Variants in TMEM213 observed in about 807,000 individuals in gnomAD.
TMEM213 encodes transmembrane protein 213.
A neutral mutation model predicts 11.6 loss-of-function variants in TMEM213; 7 were observed. That is an observed-to-expected ratio of 0.60 (90% confidence interval 0.34 to 1.13). TMEM213 has a LOEUF of 1.13. TMEM213 is among the 50% of genes most tolerant of loss of function. The pLI is 0.03. For synonymous variants in TMEM213, 60 were observed against 58.3 expected (o/e 1.03, Z -0.13); for missense variants, 129 against 139.0 (o/e 0.93, Z 0.36).
Position 138,806,087 on chromosome 7 carries a change from T to C in TMEM213, c.*3018T>C. The C allele has an allele frequency of 6.6e-6, 1 of 152,240 alleles. No homozygotes were observed. Among genetic ancestry groups the C allele is most frequent in the East Asian group, 1.9e-4 (1 of 5,204 alleles). 9.4% of individuals were successfully genotyped at this position (152,240 alleles called of 1,614,324 possible). On this transcript the variant is annotated 3_prime_UTR_variant, in exon 3 of 3. Transcript: ENST00000442682. ...CGAATCAATACAACCACTCTTTTCC[T>C]TGAGACTGCAAAGAAAATGGTTCTA...
At chr7:138,801,824 G>A (rs78727925) in intron 2 of TMEM213, 239 of 186,434 alleles carry the variant, frequency 1.3e-3, no homozygotes, top group Non-Finnish European at 1.9e-3. Context: ...GCCACAAGGC[G>A]CTCAGTAATT....
intron 1 of TMEM213, 178 bp downstream of exon 1, chr7:138,798,364 G>GC: frequency 2.6e-6 from 1 of 391,320 alleles, no homozygotes; most frequent in Non-Finnish European, 4.6e-6. Flanking sequence ...GGGAGGTGGG[G>GC]CTGGGGCAGG....
intron 2 of TMEM213, 129 bp from the exon 3 acceptor site, chr7:138,802,771 G>C: frequency 1.1e-6 from 1 of 952,276 alleles, no homozygotes; most frequent in Non-Finnish European, 1.5e-6. Flanking sequence ...GCAGCACAGT[G>C]CATGGCACGT....
At chr7:138,802,393 T>C (rs528539429) in intron 2 of TMEM213, among the ~76,000 whole-genome samples, 5 of 150,708 alleles carry the variant, frequency 3.3e-5, no homozygotes, top group Admixed American at 2.7e-4. Flanking sequence ...CTACTAAAAA[T>C]ACAAAACATT....
In TMEM213 at chr7:138,801,197, A is replaced by G; in HGVS notation, c.83-130A>G. The G allele has an allele frequency of 3.7e-6, 3 of 819,290 alleles. No homozygotes were observed. In the South Asian group the frequency reaches 4.7e-5, roughly 13 times the overall value. 50.8% of individuals were successfully genotyped at this position (819,290 alleles called of 1,614,324 possible). A position where few individuals can be genotyped will look rare whatever the true frequency, so the allele number is the denominator to read the frequency against. On this transcript the variant is annotated intron_variant, in intron 1 of 2. Coordinates refer to ENST00000442682, the MANE Select transcript of TMEM213 (RefSeq NM_001085429.2). ...GTTAGCTTTGTTGCAGAAAGCCTCAATATGCCCATGCGGGAGCTTCTATAA... is the reference window on the plus strand; with the variant it reads ...GTTAGCTTTGTTGCAGAAAGCCTCAGTATGCCCATGCGGGAGCTTCTATAA...
At position 138,806,185 on chromosome 7, in the gene TMEM213, A is replaced by T. The variant is rs1460584487; in HGVS notation, c.*3116A>T. The T allele has an allele frequency of 6.6e-6, 1 of 152,186 alleles. No individual in the cohort carries two copies. The highest frequency in any genetic ancestry group is 1.5e-5 in the Non-Finnish European group (1 of 68,044). 9.4% of individuals were successfully genotyped at this position (152,186 alleles called of 1,614,324 possible). A position where few individuals can be genotyped will look rare whatever the true frequency, so the allele number is the denominator to read the frequency against. ...CAACAGAAAATTTTTTGATTACAGC[A>T]GACCAGATCTTTATCTGTCAATAAG... On this transcript the variant is annotated 3_prime_UTR_variant, in exon 3 of 3. Transcript: ENST00000442682.
rs367556085 is a variant in TMEM213, at chr7:138,802,884, G to A, written c.155-16G>A. On this transcript the variant is annotated splice_polypyrimidine_tract_variant and intron_variant, in intron 2 of 2. Coordinates refer to ENST00000442682, the MANE Select transcript of TMEM213 (RefSeq NM_001085429.2). Reference sequence around the variant, plus strand: ...GGTGGTGCATGCCGTCGTCCTTGCTGTCCCTTCCCCACCAGACGTGGACTT... The same window carrying A: ...GGTGGTGCATGCCGTCGTCCTTGCTATCCCTTCCCCACCAGACGTGGACTT... 1.0e-3 allele frequency: 1,590 copies of A among 1,543,840 alleles called. 1 individual carries two copies. Among genetic ancestry groups the A allele is most frequent in the Non-Finnish European group, 1.3e-3 (1,480 of 1,151,108 alleles).
chr7:138,801,463 G>A lies in TMEM213; in HGVS notation c.154+65G>A, dbSNP rs187899061. 3,827 of 1,456,562 alleles carry A rather than the reference G, an allele frequency of 2.6e-3. 130 individuals carry two copies. The South Asian group carries it at 0.043, about 16-fold the overall frequency. 90.2% of individuals were successfully genotyped at this position (1,456,562 alleles called of 1,614,324 possible). ...CCCTCAGCCTGGGAGGGAAACAAAG[G>A]CCTCCCCGCTTTCCGTTGATTGGTG... is the stretch of plus-strand genomic sequence containing the variant. On this transcript the variant is annotated intron_variant, in intron 2 of 2. Transcript: ENST00000442682.
chr7:138,803,576 C>A lies in TMEM213; in HGVS notation c.*507C>A. The A allele has an allele frequency of 6.4e-6, 1 of 156,918 alleles. No homozygotes were observed. The highest frequency in any genetic ancestry group is 1.4e-5 in the Non-Finnish European group (1 of 71,708). 9.7% of individuals were successfully genotyped at this position (156,918 alleles called of 1,614,324 possible). A position where few individuals can be genotyped will look rare whatever the true frequency, so the allele number is the denominator to read the frequency against. ...GCAGATCACTCAAGGTCAGGAGTTC[C>A]AGATCAGCCTGGCCAACATGGTGAA... On this transcript the variant is annotated 3_prime_UTR_variant, in exon 3 of 3. Transcript: ENST00000442682.
In TMEM213 at chr7:138,805,845, G is replaced by A. The variant is rs1330680067; in HGVS notation, c.*2776G>A. 2.6e-5 allele frequency: 4 copies of A among 151,688 alleles called. No individual in the cohort carries two copies. Among genetic ancestry groups the A allele is most frequent in the African/African-American group, 9.7e-5 (4 of 41,152 alleles). The allele number at this position is 151,688 out of a possible 1,614,324, so 9.4% of individuals were successfully genotyped here. ...TTTCAACCTGAGCCGCATGGCTCTT[G>A]TGTCTTTAAACCTTGTGGTAGGATT... On this transcript the variant is annotated 3_prime_UTR_variant, in exon 3 of 3. Transcript: ENST00000442682.
chr7:138,798,787 C>A (rs1808821832), intron 1 of TMEM213, among the ~76,000 whole-genome samples: 1 of 152,168 alleles, frequency 6.6e-6, no homozygotes, highest in Non-Finnish European at 1.5e-5. Flanking sequence ...TGATCTACAT[C>A]CCCTGCCTTG....
At chr7:138,800,578 G>T (rs1193763533) in intron 1 of TMEM213, among the ~76,000 whole-genome samples, 1 of 152,118 alleles carries the variant, frequency 6.6e-6, no homozygotes, top group East Asian at 1.9e-4. Flanking sequence ...GGTGTTGATG[G>T]TTTGATTTCT....
At chr7:138,801,250 A>G in intron 1 of TMEM213, 77 bp from the exon 2 acceptor site, 1 of 1,350,800 alleles carries the variant, frequency 7.4e-7, no homozygotes, top group Admixed American at 2.0e-5. Context: ...CTACTGATTT[A>G]CAAAAAACAT....
At chr7:138,800,439 T>C (rs1281150500) in intron 1 of TMEM213, among the ~76,000 whole-genome samples, 1 of 152,088 alleles carries the variant, frequency 6.6e-6, no homozygotes, top group East Asian at 1.9e-4. Context: ...TAAAGTCCTT[T>C]TTATCTTTCC....
At chr7:138,798,455 T>G (rs1391239910) in intron 1 of TMEM213, among the ~76,000 whole-genome samples, 2 of 152,086 alleles carry the variant, frequency 1.3e-5, no homozygotes, top group African/African-American at 4.8e-5. Flanking sequence ...CTCTTGGCCT[T>G]TGCCACAAAG....
chr7:138,805,220 C>T lies in TMEM213; in HGVS notation c.*2151C>T, dbSNP rs1809075007. The T allele has an allele frequency of 1.4e-5, 2 of 139,614 alleles. No individual in the cohort carries two copies. The highest frequency in any genetic ancestry group is 5.2e-5 in the African/African-American group (2 of 38,244). The allele number at this position is 139,614 out of a possible 1,614,324, so 8.6% of individuals were successfully genotyped here. A position where few individuals can be genotyped will look rare whatever the true frequency, so the allele number is the denominator to read the frequency against. Reference sequence around the variant, plus strand: ...TGAGCCTGAGCAACATAATGAGACCCTGTCTCTACAAAAAAAAAAAAAAGA... The same window carrying T: ...TGAGCCTGAGCAACATAATGAGACCTTGTCTCTACAAAAAAAAAAAAAAGA... On this transcript the variant is annotated 3_prime_UTR_variant, in exon 3 of 3. Coordinates refer to ENST00000442682, the MANE Select transcript of TMEM213 (RefSeq NM_001085429.2).
chr7:138,800,829 A>G (rs1490307236), intron 1 of TMEM213, among the ~76,000 whole-genome samples: 1 of 151,454 alleles, frequency 6.6e-6, no homozygotes, highest in Non-Finnish European at 1.5e-5. Context: ...CCTCCCAAGT[A>G]GCTGGGATTA....
rs753254556 is a variant in TMEM213, at chr7:138,798,138, C to G, written c.34C>G (p.Leu12Val). 6.9e-6 allele frequency: 11 copies of G among 1,602,082 alleles called. No individual in the cohort carries two copies. The South Asian group carries it at 1.1e-4, about 16-fold the overall frequency. ...QRLPAATRAT[L>V]ILSLAFASLH... The stretch of plus-strand genomic sequence containing the variant: ...CCTCCCCGCTGCCACCCGGGCCACC[C>G]TGATCCTCAGCCTGGCCTTTGCCTC... The change falls in exon 1 of 3, where the codon CTG becomes GTG. Residue 12 changes from leucine (L) to valine (V), a missense_variant. Leu to Val is a conservative substitution (Grantham distance 32). Transcript: ENST00000442682.
intron 1 of TMEM213, among the ~76,000 whole-genome samples, chr7:138,799,994 C>T (rs1428377181): frequency 6.6e-6 from 1 of 152,072 alleles, no homozygotes; most frequent in African/African-American, 2.4e-5. Context: ...CCATGCCCAC[C>T]ACTTTTTTTT....
Sources: allele counts gnomAD v4.1 joint callset (sites outside exome capture counted in the v4.1 genomes callset), GRCh38; gene constraint gnomAD v4.1.1; transcripts MANE v1.5; gene names NCBI Gene and HGNC (gene_info 2026-07-23, HGNC 2026-07-21).